Variants in FOXP1 observed in about 807,000 individuals in gnomAD.
The protein encoded by FOXP1 is forkhead box protein P1.
Under a neutral mutation model 98.2 loss-of-function variants are expected in FOXP1, and 15 were observed. That is an observed-to-expected ratio of 0.15 (90% CI 0.10 to 0.24). The LOEUF is 0.24. Ranked by LOEUF, FOXP1 falls within the 10% of genes least tolerant of loss-of-function variation. FOXP1 has a pLI of 1.00. For synonymous variants in FOXP1, 371 were observed against 314.5 expected (o/e 1.18, Z -1.90); for missense variants, 633 against 848.5 (o/e 0.75, Z 3.15).
intron 7 of FOXP1, among the ~76,000 whole-genome samples, chr3:71,085,749 T>TTTTTTTTTTTTTTTTTTTTTTTTTTTC (rs2055006693): frequency 7.2e-6 from 1 of 139,368 alleles, no homozygotes; most frequent in Non-Finnish European, 1.5e-5. Context: ...TTTTTTTTTT[T>TTTTTTTTTTTTTTTTTTTTTTTTTTTC]ACATGGAGTC....
intron 2 of FOXP1, among the ~76,000 whole-genome samples, chr3:71,515,671 C>T (rs970534910): frequency 4.6e-5 from 7 of 151,778 alleles, no homozygotes; most frequent in African/African-American, 1.7e-4. Context: ...TGCTGTGTGG[C>T]TACAGAAGAG....
chr3:71,112,544 C>T lies in FOXP1; in HGVS notation c.274G>A (p.Ala92Thr), dbSNP rs1388674903. 6.2e-7 allele frequency: 1 copy of T among 1,611,994 alleles called. No homozygotes were observed. The highest frequency in any genetic ancestry group is 1.7e-5 in the Admixed American group (1 of 60,016). Residue 92 changes from alanine to threonine, a missense_variant, in exon 7 of 21, where the codon GCT becomes ACT. Around this residue, in one of 6 missense-constraint regions of FOXP1, gnomAD observed 210 missense variants for 270.6 expected, o/e 0.78. Transcript: ENST00000649528. ...KSPKRNDKQPALQVPVSVAMM... is the reference protein window; with the variant it reads ...KSPKRNDKQPTLQVPVSVAMM... ...AGAAAAAGAATTGTTACCTGAAGAGCTGGTTGTTTGTCATTCCTCTTGGGA... is the reference window on the plus strand; with the variant it reads ...AGAAAAAGAATTGTTACCTGAAGAGTTGGTTGTTTGTCATTCCTCTTGGGA...
At chr3:71,264,851 C>T (rs1425185990) in intron 5 of FOXP1, among the ~76,000 whole-genome samples, 1 of 152,154 alleles carries the variant, frequency 6.6e-6, no homozygotes, top group Non-Finnish European at 1.5e-5. Context: ...CTTTTATATT[C>T]AATAATGGAT....
At chr3:71,002,942 A>G (rs1206916306) in intron 12 of FOXP1, among the ~76,000 whole-genome samples, 1 of 152,238 alleles carries the variant, frequency 6.6e-6, no homozygotes, top group African/African-American at 2.4e-5. Context: ...CAATGAAACA[A>G]GACCACAGAC....
At chr3:71,405,525 A>C (rs144310485) in intron 3 of FOXP1, among the ~76,000 whole-genome samples, 31 of 152,286 alleles carry the variant, frequency 2.0e-4, no homozygotes, top group African/African-American at 6.0e-4. Flanking sequence ...ACCCAGACAG[A>C]CAGCCAGGAG....
chr3:71,052,630 C>T lies in FOXP1; in HGVS notation c.421-4G>A, dbSNP rs376220298. The T allele has an allele frequency of 9.4e-6, 11 of 1,172,648 alleles. No individual in the cohort carries two copies. The African/African-American group carries it at 1.6e-4, about 18-fold the overall frequency. The allele number at this position is 1,172,648 out of a possible 1,614,324, so 72.6% of individuals were successfully genotyped here. Reference sequence around the variant, plus strand: ...TATAAAACTCTTGAAGCTGCTGCTACAAAGGAAAGAGAGGACGGTAAGTAA... The same window carrying T: ...TATAAAACTCTTGAAGCTGCTGCTATAAAGGAAAGAGAGGACGGTAAGTAA... On this transcript the variant is annotated splice_region_variant and splice_polypyrimidine_tract_variant and intron_variant, in intron 8 of 20. Transcript: ENST00000649528.
intron 11 of FOXP1, among the ~76,000 whole-genome samples, chr3:71,039,373 A>G (rs958756962): frequency 6.6e-6 from 1 of 152,200 alleles, no homozygotes; most frequent in African/African-American, 2.4e-5. Flanking sequence ...TGTCTCTCAG[A>G]TCCACTTACT....
intron 12 of FOXP1, among the ~76,000 whole-genome samples, chr3:71,007,664 T>C (rs1160647906): frequency 7.9e-5 from 12 of 152,144 alleles, no homozygotes; most frequent in Admixed American, 7.9e-4. Flanking sequence ...TCCAAGTAGT[T>C]TTAGGCAGGG....
At chr3:71,538,886 C>G (rs145995915) in intron 2 of FOXP1, among the ~76,000 whole-genome samples, 1 of 152,048 alleles carries the variant, frequency 6.6e-6, no homozygotes. Context: ...TTCTTTTGCA[C>G]GTGAATATAC....
At chr3:71,029,931 A>T (rs1448783174) in intron 11 of FOXP1, among the ~76,000 whole-genome samples, 1 of 152,228 alleles carries the variant, frequency 6.6e-6, no homozygotes, top group Non-Finnish European at 1.5e-5. Flanking sequence ...ATAATAATTA[A>T]CAATAAGTTA....
chr3:71,164,479 G>A (rs1266517145), intron 6 of FOXP1, among the ~76,000 whole-genome samples: 1 of 152,164 alleles, frequency 6.6e-6, no homozygotes, highest in African/African-American at 2.4e-5. Flanking sequence ...GATTATAGGC[G>A]TGAGGCACAG....
intron 5 of FOXP1, among the ~76,000 whole-genome samples, chr3:71,297,023 C>A (rs552458292): frequency 1.3e-5 from 2 of 152,148 alleles, no homozygotes; most frequent in Non-Finnish European, 2.9e-5. Flanking sequence ...AAATAAAATT[C>A]TTTTCTTTAT....
At chr3:71,131,364 GA>G (rs1352607777) in intron 6 of FOXP1, among the ~76,000 whole-genome samples, 16 of 107,614 alleles carry the variant, frequency 1.5e-4, no homozygotes, top group Admixed American at 7.0e-4. Context: ...AAGTCAGCTT[GA>G]AAAACAGGAG....
At chr3:71,092,967 A>G (rs932535737) in intron 7 of FOXP1, among the ~76,000 whole-genome samples, 1 of 152,220 alleles carries the variant, frequency 6.6e-6, no homozygotes, top group African/African-American at 2.4e-5. Context: ...AAATGCTTTA[A>G]AAGGCAAAAA....
At chr3:71,577,165 T>C (rs2047787348) in intron 2 of FOXP1, among the ~76,000 whole-genome samples, 1 of 152,170 alleles carries the variant, frequency 6.6e-6, no homozygotes, top group African/African-American at 2.4e-5. Flanking sequence ...TGACTGTAAT[T>C]AATAAGAATA....
intron 2 of FOXP1, among the ~76,000 whole-genome samples, chr3:71,530,251 T>A (rs945044099): frequency 6.6e-6 from 1 of 152,150 alleles, no homozygotes; most frequent in African/African-American, 2.4e-5. Context: ...TGGATTAATG[T>A]TGTCACCTCG....
intron 6 of FOXP1, chr3:71,130,558 C>A: frequency 6.3e-7 from 1 of 1,598,400 alleles, no homozygotes; most frequent in Non-Finnish European, 8.5e-7. Flanking sequence ...TTTCCGTCTT[C>A]TTGCTGTAGA....
At chr3:71,299,125 A>G (rs1451053792) in intron 5 of FOXP1, among the ~76,000 whole-genome samples, 1 of 152,254 alleles carries the variant, frequency 6.6e-6, no homozygotes, top group Non-Finnish European at 1.5e-5. Context: ...TGTAGCATCC[A>G]TAACCATTTT....
chr3:71,130,684 T>C (rs762295837), intron 6 of FOXP1: 1 of 1,579,174 alleles, frequency 6.3e-7, no homozygotes, highest in East Asian at 2.3e-5. Context: ...ACTGGAACAT[T>C]GCCCTTTGTA....
Sources: gnomAD v4.1 joint callset for allele counts (sites outside exome capture counted in the v4.1 genomes callset) on GRCh38, gnomAD v4.1.1 for gene constraint, gnomAD v4.1.1 regional missense constraint, MANE v1.5 for transcripts, NCBI Gene and HGNC (gene_info 2026-07-23, HGNC 2026-07-21) for gene names.